The following NLRP12 variants were observed in gnomAD, a reference collection of about 807,000 sequenced individuals.
The protein encoded by NLRP12 is NLR family pyrin domain containing 12.
NLRP12 carries 108 observed loss-of-function variants against 91.2 expected under a neutral mutation model. That is an observed-to-expected ratio of 1.18 (90% CI 1.01 to 1.39). The LOEUF (loss-of-function observed/expected upper bound fraction) is 1.39, where lower values mean the gene tolerates loss of function less well. NLRP12 is among the 40% of genes most tolerant of loss of function. The pLI is 0.00. For synonymous variants in NLRP12, 613 were observed against 566.7 expected, an observed-to-expected ratio of 1.08 and a Z score of -1.16; for missense variants, 1,530 against 1,352.7, an observed-to-expected ratio of 1.13 and a Z score of -2.06.
chr19:53,796,493 C>T (rs1026048169), intron 8 of NLRP12, among the ~76,000 whole-genome samples: 22 of 151,900 alleles, frequency 1.4e-4, no homozygotes, highest in Admixed American at 5.9e-4. Context: ...GTGATCCGCC[C>T]GCCTCAGCCT....
Position 53,801,376 on chromosome 19 carries a change from A to G in NLRP12, c.2607T>C (p.Thr869=), listed in dbSNP as rs1337843889. 1 of 1,613,432 alleles carries G rather than the reference A, an allele frequency of 6.2e-7. No homozygotes were observed. Among genetic ancestry groups the G allele is most frequent in the Admixed American group, 1.7e-5 (1 of 59,916 alleles). The change falls in exon 7 of 10, where the codon ACT becomes ACC. Residue 869 remains threonine, a synonymous_variant. Coordinates refer to ENST00000324134, the MANE Select transcript of NLRP12 (RefSeq NM_144687.4). Reference sequence around the variant, plus strand: ...AGGCCAGCTCGTCACAGGCAGCAGCAGTGAGGCGGCAGATCTTCAGCCTGC... The same window carrying G: ...AGGCCAGCTCGTCACAGGCAGCAGCGGTGAGGCGGCAGATCTTCAGCCTGC... ...RTLWLKICRL[T]AAACDELAST...
intron 1 of NLRP12, among the ~76,000 whole-genome samples, chr19:53,820,833 G>A (rs956850500): frequency 2.7e-5 from 4 of 150,428 alleles, no homozygotes; most frequent in Non-Finnish European, 5.9e-5. Flanking sequence ...GACTACAGGC[G>A]CCCATCACTG....
intron 6 of NLRP12, among the ~76,000 whole-genome samples, chr19:53,802,701 T>C (rs574654798): frequency 2.4e-3 from 353 of 149,082 alleles, no homozygotes; most frequent in Non-Finnish European, 4.5e-3. Flanking sequence ...AGCAAGACTC[T>C]GTCTCAAAAA....
chr19:53,817,060 G>A (rs1032978963), intron 1 of NLRP12, among the ~76,000 whole-genome samples: 3 of 151,582 alleles, frequency 2.0e-5, no homozygotes, highest in Non-Finnish European at 2.9e-5. Flanking sequence ...GGGAGGCCAA[G>A]GCGGGTGGAT....
At chr19:53,800,418 A>C (rs2091848586) in intron 7 of NLRP12, among the ~76,000 whole-genome samples, 1 of 152,030 alleles carries the variant, frequency 6.6e-6, no homozygotes, top group African/African-American at 2.4e-5. Context: ...TGATCACACC[A>C]CTCCACTCCA....
At chr19:53,801,701 T>A (rs1182404108) in intron 6 of NLRP12, among the ~76,000 whole-genome samples, 1 of 151,848 alleles carries the variant, frequency 6.6e-6, no homozygotes, top group Non-Finnish European at 1.5e-5. Flanking sequence ...GTGATATGCC[T>A]GCCTCAGCCT....
Position 53,810,928 on chromosome 19 carries a change from A to C in NLRP12, c.731T>G (p.Phe244Cys). The C allele has an allele frequency of 6.2e-7, 1 of 1,614,140 alleles. No homozygotes were observed. Among genetic ancestry groups the C allele is most frequent in the Non-Finnish European group, 8.5e-7 (1 of 1,180,030 alleles). Residue 244 changes from phenylalanine to cysteine, a missense_variant, in exon 3 of 10, where the codon TTT becomes TGT. By Grantham distance (205) the Phe-to-Cys change is radical. Coordinates refer to ENST00000324134, the MANE Select transcript of NLRP12 (RefSeq NM_144687.4). ...WADGKLFQGR[F>C]DYLFYINCRE... ...GCAGTTGATGTAGAAGAGATAATCA[A>C]ATCTGCCTTGGAAGAGCTTCCCGTC... is the stretch of plus-strand genomic sequence containing the variant.
rs1225392452 is a variant in NLRP12 at position 53,809,788 on chromosome 19, T to A, written c.1871A>T (p.Glu624Val). 3 of 1,613,734 alleles carry A rather than the reference T, an allele frequency of 1.9e-6. No homozygotes were observed. Among genetic ancestry groups the A allele is most frequent in the Admixed American group, 1.7e-5 (1 of 59,968 alleles). ...FSCLYEIQEEEFIQQALSHFQ... is the reference protein window; with the variant it reads ...FSCLYEIQEEVFIQQALSHFQ... ...GTGGCTCAGGGCCTGCTGGATAAACTCCTCCTCCTGGATCTCGTACAAGCA... is the reference window on the plus strand; with the variant it reads ...GTGGCTCAGGGCCTGCTGGATAAACACCTCCTCCTGGATCTCGTACAAGCA... The change falls in exon 3 of 10, where the codon GAG (glutamate) becomes GTG (valine). Residue 624 changes from glutamate to valine, a missense_variant. Physicochemically the swap from Glu to Val is moderately radical, Grantham distance 121. Coordinates refer to ENST00000324134, the MANE Select transcript of NLRP12 (RefSeq NM_144687.4).
Position 53,796,032 on chromosome 19 carries a change from G to T in NLRP12, c.2928-3C>A. On this transcript the variant is annotated splice_polypyrimidine_tract_variant and splice_region_variant and intron_variant, in intron 8 of 9. Transcript: ENST00000324134. ...CTGTGAGGCCACAGCTATCCAGCCT[G>T]GTGAAGATAAGGAGTTGGTTAAGGT... 6.2e-7 allele frequency: 1 copy of T among 1,613,976 alleles called. No homozygotes were observed. Among genetic ancestry groups the T allele is most frequent in the Non-Finnish European group, 8.5e-7 (1 of 1,179,886 alleles).
intron 7 of NLRP12, among the ~76,000 whole-genome samples, chr19:53,799,379 T>C (rs948261659): frequency 4.6e-5 from 7 of 152,186 alleles, no homozygotes; most frequent in Non-Finnish European, 1.0e-4. Flanking sequence ...AGTGTGTTTT[T>C]TGAGCACTTC....
At chr19:53,815,106 T>C in intron 1 of NLRP12, 118 bp from the exon 2 acceptor site, 1 of 783,794 alleles carries the variant, frequency 1.3e-6, no homozygotes, top group South Asian at 1.4e-5. Flanking sequence ...CACCCCAGAA[T>C]GTTCAGTAGT....
chr19:53,799,241 AC>A (rs2091826012), intron 7 of NLRP12, among the ~76,000 whole-genome samples: 1 of 147,220 alleles, frequency 6.8e-6, no homozygotes, highest in South Asian at 2.2e-4. Context: ...CCATCTCTTG[AC>A]CTCGTGATCC....
At chr19:53,800,733 C>A (rs1032205348) in intron 7 of NLRP12, among the ~76,000 whole-genome samples, 1 of 152,006 alleles carries the variant, frequency 6.6e-6, no homozygotes, top group African/African-American at 2.4e-5. Flanking sequence ...TAGGCATGCA[C>A]CACCATGCCT....
At chr19:53,817,856 C>T (rs886928893) in intron 1 of NLRP12, among the ~76,000 whole-genome samples, 11 of 152,064 alleles carry the variant, frequency 7.2e-5, no homozygotes, top group African/African-American at 2.4e-4. Context: ...GATGTTGGCT[C>T]ACTGCAACCT....
At chr19:53,796,153 G>A (rs773024061) in intron 8 of NLRP12, 124 bp from the exon 9 acceptor site, 15 of 881,520 alleles carry the variant, frequency 1.7e-5, no homozygotes, top group South Asian at 2.8e-5. Flanking sequence ...TGCAACCTCC[G>A]CCTCCCAGGT....
intron 7 of NLRP12, 115 bp downstream of exon 7, chr19:53,801,112 G>C: frequency 3.4e-6 from 3 of 888,544 alleles, no homozygotes; most frequent in Admixed American, 2.4e-5. Flanking sequence ...AAAAAAAAAG[G>C]CTGATGTAGT....
chr19:53,807,629 T>G lies in NLRP12; in HGVS notation c.2109A>C (p.Glu703Asp). 6.2e-7 allele frequency: 1 copy of G among 1,614,180 alleles called. No homozygotes were observed. The highest frequency in any genetic ancestry group is 8.5e-7 in the Non-Finnish European group (1 of 1,180,036). The change falls in exon 4 of 10, where the codon GAA becomes GAC. Residue 703 changes from glutamate to aspartate, a missense_variant. Physicochemically the swap from Glu to Asp is conservative, Grantham distance 45 (BLOSUM62 2). Transcript: ENST00000324134. Reference sequence around the variant, plus strand: ...TGGTGCACAGGGCCGCTGCCAGATGTTCACTGTAGGCGTCCAGCAGAACGG... The same window carrying G: ...TGGTGCACAGGGCCGCTGCCAGATGGTCACTGTAGGCGTCCAGCAGAACGG... ...ERTVLLDAYS[E>D]HLAAALCTNP...
rs986534152 is a variant in NLRP12 at position 53,809,681 on chromosome 19, C to T, written c.1978G>A (p.Ala660Thr). The change falls in exon 3 of 10, where the codon GCC (alanine) becomes ACC (threonine). Residue 660 changes from alanine to threonine, a missense_variant. Physicochemically the swap from Ala to Thr is moderately conservative, Grantham distance 58 (BLOSUM62 0). Coordinates refer to ENST00000324134, the MANE Select transcript of NLRP12 (RefSeq NM_144687.4). ...SSFCLKRCRS[A>T]QVLHLYGATY... ...GCGCCATACAAGTGCAGCACCTGGG[C>T]GCTCCTGCAGCGCTTCAGACAGAAC... 10 of 1,613,970 alleles carry T rather than the reference C, an allele frequency of 6.2e-6. No homozygotes were observed. In the East Asian group the frequency reaches 6.7e-5, roughly 11 times the overall value.
At chr19:53,802,583 T>C (rs1219343943) in intron 6 of NLRP12, among the ~76,000 whole-genome samples, 26 of 151,670 alleles carry the variant, frequency 1.7e-4, no homozygotes, top group Admixed American at 1.7e-3. Flanking sequence ...GGCAGGCGCC[T>C]GTAGTCCCAG....
Sources: allele counts gnomAD v4.1 joint callset (sites outside exome capture counted in the v4.1 genomes callset), GRCh38; gene constraint gnomAD v4.1.1; transcripts MANE v1.5; gene names NCBI Gene and HGNC (gene_info 2026-07-23, HGNC 2026-07-21).